SLC33A1: variants seen among roughly 807,000 people sequenced by gnomAD.
SLC33A1 encodes acetyl-coenzyme A transporter 1.
In SLC33A1, 20 loss-of-function variants were observed where a neutral mutation model predicts 50.0. The observed-to-expected ratio is 0.40, with a 90% CI of 0.28 to 0.58. The LOEUF is 0.58. SLC33A1 is among the 20% of genes least tolerant of loss of function. The pLI is 0.44. For synonymous variants in SLC33A1, 265 were observed against 251.8 expected (o/e 1.05, Z -0.50); for missense variants, 476 against 657.0 (o/e 0.72, Z 3.01).
At chr3:155,850,272 G>T (rs1374988037) in intron 1 of SLC33A1, among the ~76,000 whole-genome samples, 1 of 152,110 alleles carries the variant, frequency 6.6e-6, no homozygotes, top group Non-Finnish European at 1.5e-5. Context: ...CTCCCAAAGT[G>T]TTGGGATTAC....
chr3:155,853,575 T>G lies in SLC33A1; in HGVS notation c.423A>C (p.Lys141Asn). ...TATACTGTGTCGGGACAAGCCAAGATTTGCGACGACCGAAGTTCTTAACGT... is the reference window on the plus strand; with the variant it reads ...TATACTGTGTCGGGACAAGCCAAGAGTTGCGACGACCGAAGTTCTTAACGT... ...AVYVKNFGRRKSWLVPTQYIL... is the reference protein window; with the variant it reads ...AVYVKNFGRRNSWLVPTQYIL... The change falls in exon 1 of 6, where the codon AAA (lysine) becomes AAC (asparagine). Residue 141 changes from lysine to asparagine, a missense_variant. Lys to Asn is a moderately conservative substitution (Grantham distance 94, BLOSUM62 0). Transcript: ENST00000643144. The G allele has an allele frequency of 1.2e-6, 2 of 1,614,116 alleles. No individual in the cohort carries two copies. Among genetic ancestry groups the G allele is most frequent in the Non-Finnish European group, 1.7e-6 (2 of 1,180,022 alleles).
chr3:155,846,575 T>G lies in SLC33A1; in HGVS notation c.776-3956A>C, dbSNP rs566597212. On this transcript the variant is annotated intron_variant, in intron 1 of 5. Transcript: ENST00000643144. ...TTCAAGTGATTCTCCTGCCTCAGCC[T>G]CCCAAGTAGCTGGGATTATAGGCAT... Among the ~76,000 whole-genome samples the G allele has an allele frequency of 3.3e-5, 5 of 151,420 alleles. No individual in the cohort carries two copies. In the South Asian group the frequency reaches 1.1e-3, roughly 32 times the overall value.
chr3:155,842,883 C>G (rs1752985301), intron 1 of SLC33A1: 1 of 216,774 alleles, frequency 4.6e-6, no homozygotes, highest in South Asian at 8.0e-5. Context: ...TGGTGCACAT[C>G]TGTAGTCCCA....
intron 2 of SLC33A1, among the ~76,000 whole-genome samples, chr3:155,837,642 T>C (rs539380067): frequency 6.6e-6 from 1 of 152,290 alleles, no homozygotes; most frequent in Admixed American, 6.5e-5. Context: ...AATGGATAAA[T>C]TGTGGCATAT....
intron 4 of SLC33A1, among the ~76,000 whole-genome samples, chr3:155,831,672 CTA>C (rs1168589602): frequency 1.3e-5 from 2 of 151,754 alleles, no homozygotes; most frequent in African/African-American, 4.8e-5. Flanking sequence ...TTTTTTTGGG[CTA>C]TAACATACCG....
intron 4 of SLC33A1, among the ~76,000 whole-genome samples, chr3:155,832,712 A>T (rs1481427747): frequency 1.5e-5 from 2 of 133,358 alleles, no homozygotes; most frequent in Non-Finnish European, 3.1e-5. Context: ...CAAGCAAGCC[A>T]GACTCTGTCT....
At chr3:155,836,309 AAAAAG>A (rs1443324934) in intron 2 of SLC33A1, among the ~76,000 whole-genome samples, 217 of 142,640 alleles carry the variant, frequency 1.5e-3, no homozygotes, top group South Asian at 4.1e-3. Context: ...AAAAAAAAAA[AAAAAG>A]GAAAGAAAGA....
Position 155,827,579 on chromosome 3 carries a change from T to A in SLC33A1, c.*631A>T, listed in dbSNP as rs966082586. The A allele has an allele frequency of 3.9e-5, 6 of 152,340 alleles. No individual in the cohort carries two copies. Among genetic ancestry groups the A allele is most frequent in the African/African-American group, 1.4e-4 (6 of 41,592 alleles). The allele number at this position is 152,340 out of a possible 1,614,324, so 9.4% of individuals were successfully genotyped here. A position where few individuals can be genotyped will look rare whatever the true frequency, so the allele number is the denominator to read the frequency against. On this transcript the variant is annotated 3_prime_UTR_variant, in exon 6 of 6. Coordinates refer to ENST00000643144, the MANE Select transcript of SLC33A1 (RefSeq NM_004733.4). ...TAAAAAATAGTTTGAATAATTTTCT[T>A]ATAAATCTTTAATGCTTACAAAAGC...
intron 2 of SLC33A1, among the ~76,000 whole-genome samples, chr3:155,842,170 A>G (rs1392600927): frequency 6.6e-6 from 1 of 152,242 alleles, no homozygotes; most frequent in Non-Finnish European, 1.5e-5. Flanking sequence ...CCAAGCATTA[A>G]TATCATTAAG....
intron 1 of SLC33A1, among the ~76,000 whole-genome samples, chr3:155,852,353 G>A (rs1257425946): frequency 6.6e-6 from 1 of 152,040 alleles, no homozygotes; most frequent in Non-Finnish European, 1.5e-5. Context: ...AAACTTACAT[G>A]TGTTTTACTC....
At chr3:155,835,260 T>C (rs1170442173) in intron 2 of SLC33A1, among the ~76,000 whole-genome samples, 1 of 152,168 alleles carries the variant, frequency 6.6e-6, no homozygotes, top group Non-Finnish European at 1.5e-5. Flanking sequence ...TAAACGTTAA[T>C]AATTAGATAA....
chr3:155,842,533 TTAC>T lies in SLC33A1; in HGVS notation c.859_861del (p.Val287del). ...TCTGTGATCCCTTGTGTTTCTTCTT[TTAC>T]TACTGATACTTCGTTTTCTTTTTTC... On this transcript the variant is annotated inframe_deletion, in exon 2 of 6. Transcript: ENST00000643144. 6.2e-7 allele frequency: 1 copy of T among 1,607,236 alleles called. No homozygotes were observed. Among genetic ancestry groups the T allele is most frequent in the Non-Finnish European group, 8.5e-7 (1 of 1,175,372 alleles).
At position 155,853,414 on chromosome 3, in the gene SLC33A1, A is replaced by T; in HGVS notation, c.584T>A (p.Ile195Asn). 1 of 1,614,098 alleles carries T rather than the reference A, an allele frequency of 6.2e-7. No homozygotes were observed. Among genetic ancestry groups the T allele is most frequent in the South Asian group, 1.1e-5 (1 of 91,084 alleles). ...AGTTAACGCCCAACCATCGACGGCA[A>T]TGTCCTGAGTGGCGGCCAAGAATTC... ...LFEFLAATQD[I>N]AVDGWALTML... The change falls in exon 1 of 6, where the codon ATT becomes AAT. Residue 195 changes from isoleucine (I) to asparagine (N), a missense_variant. Ile to Asn is a moderately radical substitution (Grantham distance 149, BLOSUM62 -3). Coordinates refer to ENST00000643144, the MANE Select transcript of SLC33A1 (RefSeq NM_004733.4).
At chr3:155,831,442 A>T (rs1419542087) in intron 4 of SLC33A1, among the ~76,000 whole-genome samples, 3 of 126,168 alleles carry the variant, frequency 2.4e-5, no homozygotes, top group African/African-American at 2.8e-5. Flanking sequence ...TGGGCAACAG[A>T]GTGAGACTCT....
At chr3:155,834,417 G>T (rs905745334) in intron 2 of SLC33A1, among the ~76,000 whole-genome samples, 4 of 152,044 alleles carry the variant, frequency 2.6e-5, no homozygotes, top group African/African-American at 9.7e-5. Context: ...AATCAATCTG[G>T]TTAAAATGAA....
At chr3:155,841,039 C>T (rs1392632242) in intron 2 of SLC33A1, among the ~76,000 whole-genome samples, 2 of 151,488 alleles carry the variant, frequency 1.3e-5, no homozygotes, top group Admixed American at 1.3e-4. Flanking sequence ...ATTTTCTGAA[C>T]TTTCCATTCT....
chr3:155,837,130 G>A (rs1374383128), intron 2 of SLC33A1, among the ~76,000 whole-genome samples: 2 of 152,100 alleles, frequency 1.3e-5, no homozygotes, highest in African/African-American at 4.8e-5. Flanking sequence ...GGAGGCCAAG[G>A]TGGGTGGATC....
intron 1 of SLC33A1, among the ~76,000 whole-genome samples, chr3:155,845,402 C>T (rs1753128700): frequency 6.6e-6 from 1 of 152,162 alleles, no homozygotes; most frequent in Non-Finnish European, 1.5e-5. Context: ...ACTTGGCTCA[C>T]TGCAGCCTTG....
intron 2 of SLC33A1, among the ~76,000 whole-genome samples, chr3:155,836,280 C>CAAAAAAAAAAAAAAAAAAAAAA (rs57460942): frequency 1.1e-4 from 3 of 27,168 alleles, no homozygotes; most frequent in African/African-American, 1.4e-4. Flanking sequence ...GAGACTCTGT[C>CAAAAAAAAAAAAAAAAAAAAAA]AAAAAAAAAA....
Sources: allele counts gnomAD v4.1 joint callset (sites outside exome capture counted in the v4.1 genomes callset), GRCh38; gene constraint gnomAD v4.1.1; transcripts MANE v1.5; gene names NCBI Gene and HGNC (gene_info 2026-07-23, HGNC 2026-07-21).